Variants in COMMD3 observed in about 807,000 individuals in gnomAD.
The protein encoded by COMMD3 is COMM domain containing 3.
COMMD3 carries 31 observed loss-of-function variants against 31.2 expected under a neutral mutation model. That is an observed-to-expected ratio of 0.99 (90% CI 0.75 to 1.34). The LOEUF is 1.34. Ranked by LOEUF, COMMD3 falls within the 40% of genes most tolerant of loss-of-function variation. The pLI, the probability that COMMD3 is intolerant of heterozygous loss-of-function variation, is 0.00. For synonymous variants in COMMD3, 108 were observed against 87.3 expected, an observed-to-expected ratio of 1.24 and a Z score of -1.32; for missense variants, 274 against 236.9, an observed-to-expected ratio of 1.16 and a Z score of -1.03.
chr10:22,316,500 T>A lies in COMMD3; in HGVS notation c.83T>A (p.Leu28His). 1 of 1,550,348 alleles carries A rather than the reference T, an allele frequency of 6.5e-7. No homozygotes were observed. Among genetic ancestry groups the A allele is most frequent in the African/African-American group, 1.4e-5 (1 of 73,114 alleles). Residue 28 changes from leucine to histidine, a missense_variant, in exon 1 of 8, where the codon CTC becomes CAC. Coordinates refer to ENST00000376836, the MANE Select transcript of COMMD3 (RefSeq NM_012071.4). ...RSFDSNAFTL[L>H]LRAAFQSLLD... is the part of the protein sequence containing the mutation. ...TTCGACTCCAACGCCTTCACGCTTC[T>A]CCTCCGGGCGGCATTCCAGAGTCTG...
In COMMD3 at chr10:22,319,974, C is replaced by T. The variant is rs746632223; in HGVS notation, c.564C>T (p.Ser188=). ...GGAAACTTAAAGATGCTTCGAAAAG[C>T]CTGGAAAGAGCAACTCAGTTGTAAC... ...LVGKLKDASK[S]LERATQL The change falls in exon 8 of 8, where the codon AGC becomes AGT. Residue 188 remains serine (S), a synonymous_variant. Transcript: ENST00000376836. 40 of 1,614,094 alleles carry T rather than the reference C, an allele frequency of 2.5e-5. No individual in the cohort carries two copies. The highest frequency in any genetic ancestry group is 3.3e-5 in the Non-Finnish European group (39 of 1,180,004).
intron 4 of COMMD3, 115 bp downstream of exon 4, chr10:22,318,421 G>A (rs1835896054): frequency 3.5e-6 from 5 of 1,413,992 alleles, no homozygotes; most frequent in Non-Finnish European, 3.8e-6. Context: ...GGAGCCAAAG[G>A]GCATGTCAAG....
Position 22,319,972 on chromosome 10 carries a change from A to T in COMMD3, c.562A>T (p.Ser188Cys). The change falls in exon 8 of 8, where the codon AGC (serine) becomes TGC (cysteine). Residue 188 changes from serine to cysteine, a missense_variant. Physicochemically the swap from Ser to Cys is moderately radical, Grantham distance 112 (BLOSUM62 -1). Coordinates refer to ENST00000376836, the MANE Select transcript of COMMD3 (RefSeq NM_012071.4). ...GGGGAAACTTAAAGATGCTTCGAAA[A>T]GCCTGGAAAGAGCAACTCAGTTGTA... The part of the protein sequence containing the change: ...LVGKLKDASK[S>C]LERATQL 3.7e-6 allele frequency: 6 copies of T among 1,614,166 alleles called. No homozygotes were observed.
At position 22,320,086 on chromosome 10, in the gene COMMD3, G is replaced by A. The variant is rs754109522; in HGVS notation, c.*88G>A. 6.2e-7 allele frequency: 1 copy of A among 1,609,932 alleles called. No individual in the cohort carries two copies. The highest frequency in any genetic ancestry group is 1.3e-5 in the African/African-American group (1 of 74,822). ...GAACCACCGTTTGTGCGAGCTGGAT[G>A]TCCTTTTCAGTAGAAAAGAATTTTC... is the stretch of plus-strand genomic sequence containing the variant. On this transcript the variant is annotated 3_prime_UTR_variant, in exon 8 of 8. Transcript: ENST00000376836.
chr10:22,319,243 T>C (rs1835913035), intron 7 of COMMD3: 1 of 460,926 alleles, frequency 2.2e-6, no homozygotes, highest in Non-Finnish European at 3.7e-6. Flanking sequence ...TTTGCTGTTC[T>C]TGCTGATTGA....
At chr10:22,318,610 CTTCTG>C (rs1317885854) in intron 4 of COMMD3, 38 bp from the exon 5 acceptor site, 1 of 1,542,316 alleles carries the variant, frequency 6.5e-7, no homozygotes, top group Non-Finnish European at 9.0e-7. Flanking sequence ...CTGAAAAGTT[CTTCTG>C]AGGAGACTAT....
intron 4 of COMMD3, 23 bp from the exon 5 acceptor site, chr10:22,318,630 G>A (rs565043903): frequency 3.1e-6 from 5 of 1,600,980 alleles, no homozygotes; most frequent in Non-Finnish European, 4.3e-6. Context: ...GACTATGTAC[G>A]AAGTTATCAT....
chr10:22,318,420 G>A (rs1835895989), intron 4 of COMMD3, 114 bp downstream of exon 4: 1 of 1,430,702 alleles, frequency 7.0e-7, no homozygotes, highest in Non-Finnish European at 9.5e-7. Context: ...AGGAGCCAAA[G>A]GGCATGTCAA....
Position 22,318,678 on chromosome 10 carries a change from AC to A in COMMD3, c.377del (p.Thr126ArgfsTer11). The A allele has an allele frequency of 2.5e-6, 4 of 1,613,408 alleles. No homozygotes were observed. Among genetic ancestry groups the A allele is most frequent in the Non-Finnish European group, 3.4e-6 (4 of 1,179,494 alleles). ...GSIGRSLPHI[T>X]DVSWRLEYQI... ...TATAGGCAGATCTCTCCCTCATATA[AC>A]GGATGTTTCTTGGCGCTTGGAATAT... On this transcript the variant is annotated frameshift_variant, in exon 5 of 8. Transcript: ENST00000376836. LOFTEE classifies it high-confidence loss of function.
chr10:22,319,853 AT>A, intron 7 of COMMD3, 85 bp from the exon 8 acceptor site: 4 of 1,537,826 alleles, frequency 2.6e-6, no homozygotes, highest in Non-Finnish European at 2.7e-6. Context: ...GTGTGTCCTG[AT>A]TTTTTTTCTT....
At position 22,320,017 on chromosome 10, in the gene COMMD3, C is replaced by A. The variant is rs750835508; in HGVS notation, c.*19C>A. The A allele has an allele frequency of 6.2e-7, 1 of 1,614,114 alleles. No individual in the cohort carries two copies. Among genetic ancestry groups the A allele is most frequent in the Admixed American group, 1.7e-5 (1 of 60,026 alleles). On this transcript the variant is annotated 3_prime_UTR_variant, in exon 8 of 8. Coordinates refer to ENST00000376836, the MANE Select transcript of COMMD3 (RefSeq NM_012071.4). Reference sequence around the variant, plus strand: ...GTTGTAACTTGGGGAAGTTAACGATCCGCCCGAGTGCAGAGGAAAACCAGA... The same window carrying A: ...GTTGTAACTTGGGGAAGTTAACGATACGCCCGAGTGCAGAGGAAAACCAGA...
Position 22,317,946 on chromosome 10 carries a change from A to G in COMMD3, c.202A>G (p.Thr68Ala), listed in dbSNP as rs1417907824. The change falls in exon 2 of 8, where the codon ACT becomes GCT. Residue 68 changes from threonine to alanine, a missense_variant. Coordinates refer to ENST00000376836, the MANE Select transcript of COMMD3 (RefSeq NM_012071.4). ...VLKHCHAAAA[T>A]YILEAGKHRA... ...AAAACATTGTCATGCAGCAGCTGCAACTTACATACTAGAGGCAGGAAAGCA... is the reference window on the plus strand; with the variant it reads ...AAAACATTGTCATGCAGCAGCTGCAGCTTACATACTAGAGGCAGGAAAGCA... The G allele has an allele frequency of 3.7e-6, 6 of 1,614,054 alleles. No homozygotes were observed. Among genetic ancestry groups the G allele is most frequent in the South Asian group, 2.2e-5 (2 of 91,084 alleles).
At chr10:22,319,852 G>C in intron 7 of COMMD3, 87 bp from the exon 8 acceptor site, 1 of 1,536,468 alleles carries the variant, frequency 6.5e-7, no homozygotes, top group Non-Finnish European at 8.9e-7. Context: ...GGTGTGTCCT[G>C]ATTTTTTTTC....
chr10:22,318,559 TG>T, intron 4 of COMMD3, 93 bp from the exon 5 acceptor site: 3 of 1,213,436 alleles, frequency 2.5e-6, no homozygotes, highest in Non-Finnish European at 2.4e-6. Flanking sequence ...AAAATGGAGT[TG>T]GGGGTGGAAA....
At chr10:22,316,770 C>T in intron 1 of COMMD3, 1 of 681,638 alleles carries the variant, frequency 1.5e-6, no homozygotes, top group Non-Finnish European at 2.1e-6. Flanking sequence ...CTGCATAGAG[C>T]CAACTCCACG....
Position 22,317,923 on chromosome 10 carries a change from A to C in COMMD3, c.179A>C (p.Lys60Thr). 5 of 1,614,030 alleles carry C rather than the reference A, an allele frequency of 3.1e-6. No individual in the cohort carries two copies. The highest frequency in any genetic ancestry group is 4.2e-6 in the Non-Finnish European group (5 of 1,179,930). ...AAACATATCGACCCAGTGGTTTTAA[A>C]ACATTGTCATGCAGCAGCTGCAACT... ...DLKHIDPVVL[K>T]HCHAAAATYI... The change falls in exon 2 of 8, where the codon AAA becomes ACA. Residue 60 changes from lysine to threonine, a missense_variant. Transcript: ENST00000376836.
chr10:22,318,241 C>G (rs1175428294), intron 3 of COMMD3, 31 bp from the exon 4 acceptor site: 8 of 1,584,804 alleles, frequency 5.0e-6, no homozygotes, highest in Non-Finnish European at 6.8e-6. Context: ...GTTTTTTTTT[C>G]TTTCTTTCTT....
intron 4 of COMMD3, 75 bp from the exon 5 acceptor site, chr10:22,318,578 C>T: frequency 7.5e-7 from 1 of 1,338,936 alleles, no homozygotes; most frequent in South Asian, 1.2e-5. Flanking sequence ...AAAGTAGAGC[C>T]ATTCTTAGTA....
Position 22,318,097 on chromosome 10 carries a change from TC to T in COMMD3, c.252-7del. The T allele has an allele frequency of 1.2e-6, 2 of 1,609,820 alleles. No individual in the cohort carries two copies. The highest frequency in any genetic ancestry group is 1.7e-6 in the Non-Finnish European group (2 of 1,178,846). On this transcript the variant is annotated splice_region_variant and splice_polypyrimidine_tract_variant and intron_variant, in intron 2 of 7. Coordinates refer to ENST00000376836, the MANE Select transcript of COMMD3 (RefSeq NM_012071.4). ...ACAGAACTTTGGCTTTTTTTTTCTT[TC>T]TTCTAGCACTTATCTAGAAGACTGT...
Sources: allele counts gnomAD v4.1 joint callset, GRCh38; gene constraint gnomAD v4.1.1; transcripts MANE v1.5; gene names NCBI Gene and HGNC (gene_info 2026-07-23, HGNC 2026-07-21).